AGT: variants seen among roughly 807,000 people sequenced by gnomAD.
The protein encoded by AGT is alpha-1 antiproteinase, antitrypsin.
In AGT, 26 loss-of-function variants were observed where a neutral mutation model predicts 28.1. The ratio of observed to expected loss-of-function variants is 0.92; its 90% CI spans 0.68 to 1.28. The LOEUF (loss-of-function observed/expected upper bound fraction) is 1.28. AGT is among the 50% of genes most tolerant of loss of function. The pLI, the probability that AGT is intolerant of heterozygous loss-of-function variation, is 0.00. For synonymous variants in AGT, 259 were observed against 259.6 expected (o/e 1.00, Z 0.02); for missense variants, 596 against 592.3 (o/e 1.01, Z -0.06).
intron 2 of AGT, among the ~76,000 whole-genome samples, chr1:230,708,648 AC>A (rs1663466182): frequency 6.6e-6 from 1 of 152,066 alleles, no homozygotes; most frequent in South Asian, 2.1e-4. Context: ...TCTGTCCCTC[AC>A]GAGGTTAACA....
chr1:230,742,385 G>A (rs895636994), intron 1 of AGT, among the ~76,000 whole-genome samples: 8 of 152,004 alleles, frequency 5.3e-5, no homozygotes, highest in Non-Finnish European at 8.8e-5. Flanking sequence ...GCACCATCTC[G>A]GCTCACTGCA....
At chr1:230,728,676 G>A (rs895889118) in intron 1 of AGT, among the ~76,000 whole-genome samples, 7 of 152,054 alleles carry the variant, frequency 4.6e-5, no homozygotes, top group Admixed American at 1.3e-4. Flanking sequence ...TTGCATCTAC[G>A]GCCTCATTTT....
chr1:230,717,016 G>A (rs1250942835), upstream of AGT, among the ~76,000 whole-genome samples: 6 of 150,820 alleles, frequency 4.0e-5, no homozygotes, highest in African/African-American at 1.5e-4. Context: ...GCTTTGCTGA[G>A]ATGTTGTTAA....
At chr1:230,713,916 G>C (rs903104275) in intron 1 of AGT, among the ~76,000 whole-genome samples, 170 bp downstream of exon 1, 3 of 152,146 alleles carry the variant, frequency 2.0e-5, no homozygotes, top group African/African-American at 7.2e-5. Flanking sequence ...TAAGACCCCA[G>C]GTGGGCACCG....
At chr1:230,705,633 T>C (rs185308077) in intron 3 of AGT, among the ~76,000 whole-genome samples, 54 of 152,324 alleles carry the variant, frequency 3.5e-4, no homozygotes, top group Admixed American at 9.1e-4. Context: ...GAGGGCGGAT[T>C]GCAATGTTTT....
intron 1 of AGT, among the ~76,000 whole-genome samples, chr1:230,740,735 G>A (rs1343247330): frequency 1.3e-5 from 2 of 152,132 alleles, no homozygotes; most frequent in Admixed American, 6.5e-5. Flanking sequence ...TGGATCATGA[G>A]GTCAAGAGAT....
chr1:230,714,494 G>A (rs1164764349), upstream of AGT, among the ~76,000 whole-genome samples: 1 of 152,168 alleles, frequency 6.6e-6, no homozygotes, highest in Non-Finnish European at 1.5e-5. Context: ...AGGCCACAGG[G>A]ACATGCAGGC....
chr1:230,739,824 T>C (rs149976213), intron 1 of AGT, among the ~76,000 whole-genome samples: 2 of 151,674 alleles, frequency 1.3e-5, no homozygotes, highest in African/African-American at 4.9e-5. Context: ...GATCACTTAT[T>C]TGGGGAAAAG....
upstream of AGT, among the ~76,000 whole-genome samples, chr1:230,718,667 TAGCATAA>T (rs1663786497): frequency 6.6e-6 from 1 of 151,944 alleles, no homozygotes; most frequent in Non-Finnish European, 1.5e-5. Flanking sequence ...TTGTTTCATT[TAGCATAA>T]TGTCTTCCAG....
At position 230,705,984 on chromosome 1, in the gene AGT, C is replaced by T. The variant is rs746136385; in HGVS notation, c.1046G>A (p.Gly349Asp). Residue 349 changes from glycine (G) to aspartate (D), a missense_variant, in exon 3 of 5, where the codon GGT becomes GAT. Gly to Asp is a moderately conservative substitution (Grantham distance 94). Transcript: ENST00000366667. ...HYASDLDKVE[G>D]LTFQQNSLNW... ...GAGGGAGTTTTGCTGGAAAGTGAGA[C>T]CCTCCACCTTGTCCAGGTCAGAGGC... is the stretch of plus-strand genomic sequence containing the variant. 2 of 1,614,146 alleles carry T rather than the reference C, an allele frequency of 1.2e-6. No homozygotes were observed. Among genetic ancestry groups the T allele is most frequent in the East Asian group, 2.2e-5 (1 of 44,870 alleles).
chr1:230,707,692 G>T (rs3789666), intron 2 of AGT, among the ~76,000 whole-genome samples: 34 of 151,930 alleles, frequency 2.2e-4, no homozygotes, highest in Non-Finnish European at 4.0e-4. Context: ...TAGTTTAGAG[G>T]GGGGAAAGGG....
Position 230,710,554 on chromosome 1 carries a change from G to GTCT in AGT, c.267_269dup (p.Glu89dup), listed in dbSNP as rs1165740090. ...TCCCGACCATTGCGGCCCTCAACTT[G>GTCT]TCTTCGGTGTCAAGTTTTGCAGCGA... On this transcript the variant is annotated inframe_insertion, in exon 2 of 5. Coordinates refer to ENST00000366667, the MANE Select transcript of AGT (RefSeq NM_001384479.1). 5 of 1,614,138 alleles carry GTCT rather than the reference G, an allele frequency of 3.1e-6. No individual in the cohort carries two copies. Among genetic ancestry groups the GTCT allele is most frequent in the Non-Finnish European group, 4.2e-6 (5 of 1,180,060 alleles).
chr1:230,739,343 A>C (rs1403758331), intron 1 of AGT, among the ~76,000 whole-genome samples: 1 of 152,042 alleles, frequency 6.6e-6, no homozygotes, highest in Non-Finnish European at 1.5e-5. Flanking sequence ...CTCTAAAATA[A>C]AATAATAATA....
chr1:230,718,593 T>TA (rs1378276201), upstream of AGT, among the ~76,000 whole-genome samples: 8 of 128,170 alleles, frequency 6.2e-5, no homozygotes, highest in African/African-American at 2.1e-4. Context: ...TATATTCACT[T>TA]TAAAAAAAAA....
chr1:230,726,804 T>C (rs1429107271), intron 1 of AGT, among the ~76,000 whole-genome samples: 1 of 152,182 alleles, frequency 6.6e-6, no homozygotes, highest in African/African-American at 2.4e-5. Flanking sequence ...CTTCCTCCTG[T>C]CTGCAGATTT....
At chr1:230,720,807 TGG>T (rs869142525) in intron 1 of AGT, among the ~76,000 whole-genome samples, 1 of 145,142 alleles carries the variant, frequency 6.9e-6, no homozygotes, top group Admixed American at 7.2e-5. Context: ...CCCAGCCACA[TGG>T]GGGACTTTCC....
upstream of AGT, among the ~76,000 whole-genome samples, chr1:230,718,057 G>C (rs1490091759): frequency 1.3e-5 from 2 of 152,120 alleles, no homozygotes; most frequent in Non-Finnish European, 2.9e-5. Flanking sequence ...TCCTGCCTCA[G>C]TCTCCAGAGT....
rs1663284588 is a variant in AGT, at chr1:230,703,302, C to T, written c.1270G>A (p.Glu424Lys). The T allele has an allele frequency of 8.1e-6, 13 of 1,614,176 alleles. No homozygotes were observed. Among genetic ancestry groups the T allele is most frequent in the Non-Finnish European group, 1.1e-5 (13 of 1,180,030 alleles). ...EVLNSIFFELEADEREPTEST... is the reference protein window; with the variant it reads ...EVLNSIFFELKADEREPTEST... Reference sequence around the variant, plus strand: ...TCTGTGGGCTCTCTCTCATCCGCTTCAAGCTCAAAAAAAATGCTGTTCAGC... The same window carrying T: ...TCTGTGGGCTCTCTCTCATCCGCTTTAAGCTCAAAAAAAATGCTGTTCAGC... Residue 424 changes from glutamate (E) to lysine (K), a missense_variant, in exon 5 of 5, where the codon GAA becomes AAA. Physicochemically the swap from Glu to Lys is moderately conservative, Grantham distance 56. Coordinates refer to ENST00000366667, the MANE Select transcript of AGT (RefSeq NM_001384479.1).
chr1:230,735,231 A>G (rs1179952417), intron 1 of AGT, among the ~76,000 whole-genome samples: 1 of 152,090 alleles, frequency 6.6e-6, no homozygotes, highest in Non-Finnish European at 1.5e-5. Flanking sequence ...CTCCCAGAGC[A>G]TGGAAATCTC....
Sources: gnomAD v4.1 joint callset for allele counts (sites outside exome capture counted in the v4.1 genomes callset) on GRCh38, gnomAD v4.1.1 for gene constraint, MANE v1.5 for transcripts, NCBI Gene and HGNC (gene_info 2026-07-23, HGNC 2026-07-21) for gene names.